The following CDC25A variants were observed in gnomAD, a reference collection of about 807,000 sequenced individuals.
CDC25A encodes M-phase inducer phosphatase 1.
A neutral mutation model predicts 64.6 loss-of-function variants in CDC25A; 17 were observed. That is an observed-to-expected ratio of 0.26 (90% CI 0.18 to 0.39). The LOEUF (loss-of-function observed/expected upper bound fraction) is 0.39, where lower values mean the gene tolerates loss of function less well. Ranked by LOEUF, CDC25A falls within the 10% of genes least tolerant of loss-of-function variation. The probability of loss-of-function intolerance (pLI) is 1.00; values close to 1 mark genes in which losing one functional copy is unlikely to be tolerated. For synonymous variants in CDC25A, 229 were observed against 238.6 expected, an observed-to-expected ratio of 0.96 and a Z score of 0.37; for missense variants, 473 against 654.8, an observed-to-expected ratio of 0.72 and a Z score of 3.03.
At chr3:48,185,568 G>T (rs2032817844) in intron 2 of CDC25A, among the ~76,000 whole-genome samples, 1 of 147,286 alleles carries the variant, frequency 6.8e-6, no homozygotes, top group Non-Finnish European at 1.5e-5. Context: ...TGAGGCAGAA[G>T]AATTCTCTAA....
intron 8 of CDC25A, among the ~76,000 whole-genome samples, chr3:48,177,038 A>T (rs1234721758): frequency 6.6e-6 from 1 of 152,176 alleles, no homozygotes; most frequent in Admixed American, 6.5e-5. Flanking sequence ...GTCTAATTTT[A>T]TGCTAGGTTC....
At chr3:48,181,363 T>C (rs1362987926) in intron 5 of CDC25A, among the ~76,000 whole-genome samples, 5 of 152,060 alleles carry the variant, frequency 3.3e-5, no homozygotes, top group African/African-American at 1.2e-4. Context: ...CCAGATATGA[T>C]AGAATACATA....
chr3:48,185,977 T>C (rs2032830135), intron 2 of CDC25A, among the ~76,000 whole-genome samples: 1 of 152,244 alleles, frequency 6.6e-6, no homozygotes, highest in Non-Finnish European at 1.5e-5. Flanking sequence ...TTTGCACCAA[T>C]GGTCTTATCT....
intron 5 of CDC25A, chr3:48,181,664 C>A: frequency 9.0e-7 from 1 of 1,110,042 alleles, no homozygotes; most frequent in South Asian, 1.2e-5. Context: ...AACTACCTTC[C>A]GGAACAAGAG....
chr3:48,169,110 A>C (rs1205667733), intron 9 of CDC25A, among the ~76,000 whole-genome samples: 2 of 152,238 alleles, frequency 1.3e-5, no homozygotes, highest in Non-Finnish European at 2.9e-5. Context: ...CTTGCTTTCA[A>C]CTTTGGAAGA....
intron 8 of CDC25A, among the ~76,000 whole-genome samples, chr3:48,175,351 T>C (rs562938749): frequency 6.6e-6 from 1 of 152,274 alleles, no homozygotes; most frequent in African/African-American, 2.4e-5. Flanking sequence ...GGGAAGCCAA[T>C]CTGACCAGTG....
intron 7 of CDC25A, among the ~76,000 whole-genome samples, chr3:48,177,648 T>A (rs1197811057): frequency 6.6e-6 from 1 of 152,150 alleles, no homozygotes; most frequent in Non-Finnish European, 1.5e-5. Flanking sequence ...ATCATGTGTC[T>A]TCTTTTGATG....
intron 14 of CDC25A, 66 bp from the exon 15 acceptor site, chr3:48,159,151 C>T (rs2031644894): frequency 6.4e-7 from 1 of 1,571,322 alleles, no homozygotes; most frequent in Non-Finnish European, 8.7e-7. Context: ...GGTTTCCTCT[C>T]TGCCTAGGGC....
intron 6 of CDC25A, among the ~76,000 whole-genome samples, chr3:48,178,992 C>A (rs756582572): frequency 1.3e-5 from 2 of 152,154 alleles, no homozygotes; most frequent in African/African-American, 2.4e-5. Flanking sequence ...AAATCCAAAT[C>A]TCTTTGGGGT....
chr3:48,175,890 G>T (rs2032437004), intron 8 of CDC25A, among the ~76,000 whole-genome samples: 1 of 152,204 alleles, frequency 6.6e-6, no homozygotes. Context: ...AGCTTGGCTG[G>T]GCACGGTGGC....
chr3:48,175,033 G>T (rs1289696060), intron 8 of CDC25A, among the ~76,000 whole-genome samples: 2 of 152,114 alleles, frequency 1.3e-5, no homozygotes, highest in Admixed American at 1.3e-4. Context: ...TTCCCAGGCT[G>T]GGCGCGGTGG....
At chr3:48,162,497 G>A (rs1194977580) in intron 13 of CDC25A, among the ~76,000 whole-genome samples, 1 of 151,962 alleles carries the variant, frequency 6.6e-6, no homozygotes, top group Non-Finnish European at 1.5e-5. Context: ...GCCTCCCAAA[G>A]TGTTGGGATT....
At chr3:48,181,454 T>C (rs2032664182) in intron 5 of CDC25A, 5 of 662,456 alleles carry the variant, frequency 7.5e-6, no homozygotes, top group African/African-American at 3.7e-5. Context: ...CATAATTAAG[T>C]ATTAAAAGCA....
At chr3:48,159,237 A>G in intron 14 of CDC25A, 107 bp downstream of exon 14, 1 of 1,263,992 alleles carries the variant, frequency 7.9e-7, no homozygotes, top group Non-Finnish European at 1.1e-6. Flanking sequence ...GCAGATACCC[A>G]CCTTGTCCCC....
At chr3:48,159,821 A>G (rs1480603657) in intron 13 of CDC25A, among the ~76,000 whole-genome samples, 3 of 152,108 alleles carry the variant, frequency 2.0e-5, no homozygotes, top group East Asian at 1.9e-4. Flanking sequence ...CTCCTTCTAC[A>G]TAAGTGGGCT....
chr3:48,168,620 CTT>C (rs35535424), intron 9 of CDC25A, among the ~76,000 whole-genome samples: 112 of 135,416 alleles, frequency 8.3e-4, no homozygotes, highest in Non-Finnish European at 1.0e-3. Context: ...TATGTCTTAA[CTT>C]TTTTTTTTTT....
At chr3:48,187,557 A>C (rs1451178458) in intron 1 of CDC25A, among the ~76,000 whole-genome samples, 1 of 152,246 alleles carries the variant, frequency 6.6e-6, no homozygotes, top group African/African-American at 2.4e-5. Context: ...GCTTAGGCCC[A>C]AGGATCTCCA....
intron 6 of CDC25A, among the ~76,000 whole-genome samples, chr3:48,178,796 G>A (rs774034578): frequency 6.6e-6 from 1 of 152,096 alleles, no homozygotes; most frequent in Non-Finnish European, 1.5e-5. Flanking sequence ...TCTAAACATG[G>A]AATATAGAAA....
intron 12 of CDC25A, among the ~76,000 whole-genome samples, chr3:48,164,762 C>T (rs1016207785): frequency 2.0e-5 from 3 of 152,026 alleles, no homozygotes; most frequent in South Asian, 2.1e-4. Context: ...ACAGTAACAT[C>T]GTATTTAAAG....
Sources: gnomAD v4.1 joint callset for allele counts (sites outside exome capture counted in the v4.1 genomes callset) on GRCh38, gnomAD v4.1.1 for gene constraint, MANE v1.5 for transcripts, NCBI Gene and HGNC (gene_info 2026-07-23, HGNC 2026-07-21) for gene names.